KIF13B: variants seen among roughly 807,000 people sequenced by gnomAD.
KIF13B encodes kinesin family member 13B.
KIF13B carries 127 observed loss-of-function variants against 222.0 expected under a neutral mutation model. The ratio of observed to expected loss-of-function variants is 0.57; its 90% CI spans 0.50 to 0.66. The LOEUF (loss-of-function observed/expected upper bound fraction) is 0.66. Among genes scored for constraint, KIF13B ranks in the 30% least tolerant of loss-of-function variants. The probability of loss-of-function intolerance (pLI) is 0.00; values close to 1 mark genes in which losing one functional copy is unlikely to be tolerated. For missense variants in KIF13B, 2,173 were observed against 2,379.0 expected, an observed-to-expected ratio of 0.91 and a Z score of 1.80; for synonymous variants, 976 against 919.0, an observed-to-expected ratio of 1.06 and a Z score of -1.12.
intron 4 of KIF13B, 59 bp downstream of exon 4, chr8:29,190,938 A>G (rs1394357576): frequency 7.2e-7 from 1 of 1,385,866 alleles, no homozygotes; most frequent in East Asian, 2.3e-5. Flanking sequence ...TGTAAGGGAA[A>G]AAATACTGAA....
chr8:29,103,156 G>A (rs1048211262), intron 35 of KIF13B, among the ~76,000 whole-genome samples: 3 of 151,476 alleles, frequency 2.0e-5, no homozygotes, highest in South Asian at 2.1e-4. Flanking sequence ...GCAGGAGAAC[G>A]GCTTGAACCC....
chr8:29,229,075 A>T (rs1815166804), intron 2 of KIF13B, among the ~76,000 whole-genome samples: 1 of 145,364 alleles, frequency 6.9e-6, no homozygotes, highest in Non-Finnish European at 1.5e-5. Context: ...TCCTAACTCC[A>T]GAATGTCAGC....
intron 2 of KIF13B, among the ~76,000 whole-genome samples, chr8:29,222,802 T>C (rs1298003824): frequency 6.6e-6 from 1 of 152,070 alleles, no homozygotes; most frequent in Admixed American, 6.6e-5. Flanking sequence ...GCACTTTGCT[T>C]AACCTGTTAT....
At chr8:29,139,276 G>A (rs923154709) in intron 21 of KIF13B, among the ~76,000 whole-genome samples, 5 of 152,094 alleles carry the variant, frequency 3.3e-5, no homozygotes, top group Non-Finnish European at 7.3e-5. Flanking sequence ...CAAGTGAGAA[G>A]TGCCCTTGTA....
chr8:29,235,025 A>G (rs927928938), intron 2 of KIF13B, among the ~76,000 whole-genome samples: 5 of 152,026 alleles, frequency 3.3e-5, no homozygotes, highest in African/African-American at 1.2e-4. Flanking sequence ...CTGAGTATGC[A>G]ATCTCTAATC....
rs145422096 is a variant in KIF13B, at chr8:29,249,578, A to G, written c.56-4139T>C. ...AGTGTGTCCACTCTCAAGAAAGGTA[A>G]TTGTTTTTTTCACTTTAACTCACAT... On this transcript the variant is annotated intron_variant, in intron 1 of 39. Transcript: ENST00000524189. 1.5e-3 allele frequency among the ~76,000 whole-genome samples: 230 copies of G among 152,304 alleles called. 1 individual carries two copies. The highest frequency in any genetic ancestry group is 5.3e-3 in the African/African-American group (222 of 41,566).
At chr8:29,144,256 CGTGT>C (rs1275636249) in intron 18 of KIF13B, among the ~76,000 whole-genome samples, 4 of 151,680 alleles carry the variant, frequency 2.6e-5, no homozygotes, top group Non-Finnish European at 5.9e-5. Flanking sequence ...GGTCAAAATG[CGTGT>C]GTGTGTTTTT....
chr8:29,241,544 T>C (rs999017989), intron 2 of KIF13B, among the ~76,000 whole-genome samples: 3 of 152,198 alleles, frequency 2.0e-5, no homozygotes, highest in African/African-American at 7.2e-5. Flanking sequence ...GTTGGGATTA[T>C]TTTCATAACA....
chr8:29,134,190 AG>A lies in KIF13B; in HGVS notation c.2633del (p.Thr878MetfsTer24). 1 of 1,613,930 alleles carries A rather than the reference AG, an allele frequency of 6.2e-7. No individual in the cohort carries two copies. The highest frequency in any genetic ancestry group is 1.3e-5 in the African/African-American group (1 of 75,060). The part of the protein sequence containing the change: ...LVCMVKILQA[T>X]GLPQHLSHFV... The stretch of plus-strand genomic sequence containing the variant: ...AGTGGGACAGATGCTGTGGCAACCC[AG>A]TAGCTTGCAGGATTTTAACCTGAAG... On this transcript the variant is annotated frameshift_variant, in exon 22 of 40. Transcript: ENST00000524189. LOFTEE classifies it high-confidence loss of function.
chr8:29,197,359 A>AAAAAAAAT (rs750396323), intron 2 of KIF13B, among the ~76,000 whole-genome samples: 1 of 148,192 alleles, frequency 6.7e-6, no homozygotes, highest in African/African-American at 2.5e-5. Flanking sequence ...AAAAAAAAAA[A>AAAAAAAAT]AACTCAATAT....
In KIF13B at chr8:29,071,501, GC is replaced by G; in HGVS notation, c.5218+118del. 1 of 902,256 alleles carries G rather than the reference GC, an allele frequency of 1.1e-6. No homozygotes were observed. Among genetic ancestry groups the G allele is most frequent in the African/African-American group, 1.7e-5 (1 of 59,648 alleles). 55.9% of individuals were successfully genotyped at this position (902,256 alleles called of 1,614,324 possible). A position where few individuals can be genotyped will look rare whatever the true frequency, so the allele number is the denominator to read the frequency against. ...CAGCCGCTCCCGCAGCTTCAGCCAA[GC>G]CGCTGCCTCCCGGCCCCTCCCTCTC... On this transcript the variant is annotated intron_variant, in intron 39 of 39. Coordinates refer to ENST00000524189, the MANE Select transcript of KIF13B (RefSeq NM_015254.4). This position sits in a 1 kb window ranked among gnomAD's most constrained non-coding sequence, Gnocchi z 4.9.
At chr8:29,254,072 C>G (rs535263677) in intron 1 of KIF13B, among the ~76,000 whole-genome samples, 7 of 152,190 alleles carry the variant, frequency 4.6e-5, no homozygotes, top group Admixed American at 1.3e-4. Flanking sequence ...GACAAGGGTA[C>G]CAAGACAATC....
At chr8:29,141,623 A>C (rs1461903368) in intron 19 of KIF13B, among the ~76,000 whole-genome samples, 1 of 152,254 alleles carries the variant, frequency 6.6e-6, no homozygotes, top group East Asian at 1.9e-4. Flanking sequence ...GTATGAGTAC[A>C]TGGCTGATCT....
chr8:29,111,386 A>AGC (rs944195952), intron 32 of KIF13B, among the ~76,000 whole-genome samples: 2 of 152,226 alleles, frequency 1.3e-5, no homozygotes, highest in African/African-American at 4.8e-5. Flanking sequence ...GTGATACAGA[A>AGC]CCCAAGCAAC....
intron 2 of KIF13B, among the ~76,000 whole-genome samples, chr8:29,244,074 T>C (rs1024813616): frequency 9.2e-5 from 14 of 152,252 alleles, no homozygotes; most frequent in South Asian, 2.1e-4. Flanking sequence ...AGTGCAGTGG[T>C]GTGATCTCGG....
chr8:29,161,487 T>C (rs1811771521), intron 12 of KIF13B, among the ~76,000 whole-genome samples: 1 of 152,142 alleles, frequency 6.6e-6, no homozygotes, highest in Non-Finnish European at 1.5e-5. Flanking sequence ...GGCAGATCAC[T>C]TGAGGTCAGG....
At position 29,127,184 on chromosome 8, in the gene KIF13B, C is replaced by T. The variant is rs1433090450; in HGVS notation, c.3160G>A (p.Val1054Ile). 6.2e-7 allele frequency: 1 copy of T among 1,613,988 alleles called. No homozygotes were observed. The highest frequency in any genetic ancestry group is 2.2e-5 in the East Asian group (1 of 44,882). The change falls in exon 25 of 40, where the codon GTT becomes ATT. Residue 1054 changes from valine to isoleucine, a missense_variant. Around this residue, in one of 2 missense-constraint regions of KIF13B, gnomAD observed 1,480 missense variants for 1,722.8 expected, o/e 0.86. Transcript: ENST00000524189. ...LPLMEECILS[V>I]GIGCVKVRPL... ...CTAACTTTGACACATCCAATGCCAA[C>T]AGACAGTATACATTCTTCCATCAGT...
rs1165073979 is a variant in KIF13B, at chr8:29,068,901, G to A, written c.*1603C>T. On this transcript the variant is annotated 3_prime_UTR_variant, in exon 40 of 40. Coordinates refer to ENST00000524189, the MANE Select transcript of KIF13B (RefSeq NM_015254.4). This position sits in a 1 kb window ranked among gnomAD's most constrained non-coding sequence, Gnocchi z 4.4. ...TCGGCTAAGGACAGGGAGAGCCCTG[G>A]AGGAGTGCCTCCCCCCAGGGGCCGG... is the stretch of plus-strand genomic sequence containing the variant. 1.3e-5 allele frequency: 2 copies of A among 152,228 alleles called. No individual in the cohort carries two copies. The highest frequency in any genetic ancestry group is 2.9e-5 in the Non-Finnish European group (2 of 68,068). The allele number at this position is 152,228 out of a possible 1,614,324, so 9.4% of individuals were successfully genotyped here.
chr8:29,201,012 T>C (rs1421320185), intron 2 of KIF13B, among the ~76,000 whole-genome samples: 2 of 152,216 alleles, frequency 1.3e-5, no homozygotes, highest in African/African-American at 4.8e-5. Flanking sequence ...AAATTACTAT[T>C]TTTACCTTCG....
Sources: gnomAD v4.1 joint callset for allele counts (sites outside exome capture counted in the v4.1 genomes callset) on GRCh38, gnomAD v4.1.1 for gene constraint, gnomAD v4.1.1 regional missense constraint, Gnocchi (gnomAD v3.1) non-coding constraint, MANE v1.5 for transcripts, NCBI Gene and HGNC (gene_info 2026-07-23, HGNC 2026-07-21) for gene names.